Variants in GMDS observed in about 807,000 individuals in gnomAD.
The protein encoded by GMDS is GDP-mannose 4,6-dehydratase.
Under a neutral mutation model 49.9 loss-of-function variants are expected in GMDS, and 20 were observed. The observed-to-expected ratio is 0.40, with a 90% confidence interval of 0.28 to 0.58. The LOEUF is 0.58. Among genes scored for constraint, GMDS ranks in the 20% least tolerant of loss-of-function variants. The pLI, the probability that GMDS is intolerant of heterozygous loss-of-function variation, is 0.42. For missense variants in GMDS, 362 were observed against 481.4 expected (o/e 0.75, Z 2.32); for synonymous variants, 177 against 178.6 (o/e 0.99, Z 0.07).
chr6:2,204,432 T>C (rs1051108582), intron 1 of GMDS, among the ~76,000 whole-genome samples: 1 of 152,232 alleles, frequency 6.6e-6, no homozygotes, highest in African/African-American at 2.4e-5. Context: ...TTACCAAATA[T>C]TGCTCATGTG....
chr6:1,828,233 T>C (rs2113719137), intron 7 of GMDS, among the ~76,000 whole-genome samples: 1 of 151,866 alleles, frequency 6.6e-6, no homozygotes, highest in African/African-American at 2.4e-5. Context: ...ATTACTGAGT[T>C]TGAGAAACAG....
At chr6:1,851,248 G>A (rs1757655084) in intron 7 of GMDS, among the ~76,000 whole-genome samples, 1 of 152,132 alleles carries the variant, frequency 6.6e-6, no homozygotes, top group Admixed American at 6.5e-5. Context: ...AAACAACGAG[G>A]GGAAAGGCCG....
chr6:1,861,632 A>G (rs1222779017), intron 7 of GMDS, among the ~76,000 whole-genome samples: 7 of 150,850 alleles, frequency 4.6e-5, no homozygotes, highest in Non-Finnish European at 7.4e-5. Context: ...AAAAAAAAAA[A>G]GAAAAAAAAA....
At chr6:1,785,223 G>C (rs1329540058) in intron 7 of GMDS, among the ~76,000 whole-genome samples, 2 of 152,116 alleles carry the variant, frequency 1.3e-5, no homozygotes, top group Non-Finnish European at 2.9e-5. Flanking sequence ...TAGGTGGTTA[G>C]TAATTGAAAA....
At chr6:2,079,805 C>T (rs78198873) in intron 4 of GMDS, among the ~76,000 whole-genome samples, 1,989 of 152,054 alleles carry the variant, frequency 0.013, 46 homozygotes, top group African/African-American at 0.045. Flanking sequence ...TATATGTTTG[C>T]GGATCTTGGA....
In GMDS at chr6:1,770,947, T is replaced by G. The variant is rs1581162459; in HGVS notation, c.772-28361A>C. On this transcript the variant is annotated intron_variant, in intron 7 of 10. Coordinates refer to ENST00000380815, the MANE Select transcript of GMDS (RefSeq NM_001500.4). ...CTGTGAGTTTATGAAAAGTGTTATT[T>G]AATTTCCATTTTCAGGCAGTCCCAG... Among the ~76,000 whole-genome samples the G allele has an allele frequency of 2.6e-5, 4 of 152,256 alleles. No individual in the cohort carries two copies. In the East Asian group the frequency reaches 7.7e-4, roughly 29 times the overall value.
At chr6:1,810,416 G>A (rs985407941) in intron 7 of GMDS, among the ~76,000 whole-genome samples, 17 of 152,144 alleles carry the variant, frequency 1.1e-4, no homozygotes, top group African/African-American at 4.1e-4. Context: ...CTGAGTAGAT[G>A]GGACTACAGG....
chr6:2,116,097 G>A (rs1443103874), intron 3 of GMDS, among the ~76,000 whole-genome samples: 1 of 152,114 alleles, frequency 6.6e-6, no homozygotes, highest in African/African-American at 2.4e-5. Flanking sequence ...AAAGATTTTG[G>A]TGGTAAACTC....
At position 1,781,665 on chromosome 6, in the gene GMDS, G is replaced by A. The variant is rs766176132; in HGVS notation, c.772-39079C>T. ...CCTTAAGCCCTCTGAATTGTCAGCC[G>A]GGAGAATAACATCCCGCTGTGAATA... On this transcript the variant is annotated intron_variant, in intron 7 of 10. Transcript: ENST00000380815. 5.3e-5 allele frequency among the ~76,000 whole-genome samples: 8 copies of A among 152,166 alleles called. No individual in the cohort carries two copies. In the South Asian group the frequency reaches 6.2e-4, roughly 12 times the overall value.
intron 9 of GMDS, among the ~76,000 whole-genome samples, chr6:1,626,496 G>C (rs1346904601): frequency 1.3e-5 from 2 of 152,174 alleles, no homozygotes; most frequent in East Asian, 1.9e-4. Context: ...ATTTCTACAG[G>C]CTTCTATTTT....
At chr6:1,753,525 G>C (rs773659734) in intron 7 of GMDS, among the ~76,000 whole-genome samples, 30 of 152,180 alleles carry the variant, frequency 2.0e-4, no homozygotes, top group Non-Finnish European at 3.8e-4. Flanking sequence ...ATTCAGCTCT[G>C]GACCAAGCGG....
At chr6:2,117,440 A>C in intron 3 of GMDS, 29 bp downstream of exon 3, 18 of 1,236,100 alleles carry the variant, frequency 1.5e-5, no homozygotes, top group Non-Finnish European at 1.9e-5. Context: ...CCTTATAGAA[A>C]GAGATTCTAG....
intron 4 of GMDS, among the ~76,000 whole-genome samples, chr6:2,066,634 C>T (rs1241214196): frequency 6.6e-6 from 1 of 152,060 alleles, no homozygotes. Context: ...ATAAAACAGA[C>T]TTTAAACCAA....
chr6:1,691,670 T>C (rs562275062), intron 9 of GMDS, among the ~76,000 whole-genome samples: 250 of 152,288 alleles, frequency 1.6e-3, no homozygotes, highest in African/African-American at 5.8e-3. Context: ...AGTTACAGTG[T>C]TCTAAAATTT....
chr6:1,955,506 A>G (rs1432285031), intron 6 of GMDS, among the ~76,000 whole-genome samples: 1 of 152,196 alleles, frequency 6.6e-6, no homozygotes, highest in Admixed American at 6.5e-5. Flanking sequence ...TTTGTAGTAA[A>G]TATTACTAAA....
intron 4 of GMDS, among the ~76,000 whole-genome samples, chr6:1,966,501 GCTCTTTCTTGTGCCAGTGC>G (rs1764267213): frequency 6.6e-6 from 1 of 152,128 alleles, no homozygotes; most frequent in African/African-American, 2.4e-5. Flanking sequence ...AAGTCTCCAG[GCTCTTTCTTGTGCCAGTGC>G]CTGCAGGTCT....
intron 7 of GMDS, among the ~76,000 whole-genome samples, chr6:1,886,286 T>G (rs556603868): frequency 6.6e-6 from 1 of 152,328 alleles, no homozygotes; most frequent in South Asian, 2.1e-4. Context: ...GGAATTTTAC[T>G]CTAACAACTA....
intron 7 of GMDS, among the ~76,000 whole-genome samples, chr6:1,779,083 T>G (rs139340551): frequency 1.8e-4 from 27 of 152,110 alleles, no homozygotes; most frequent in African/African-American, 6.5e-4. Flanking sequence ...TGTACTCTGT[T>G]TAGAAATCAG....
intron 4 of GMDS, among the ~76,000 whole-genome samples, chr6:1,989,987 C>A (rs1179793187): frequency 6.6e-6 from 1 of 152,218 alleles, no homozygotes; most frequent in African/African-American, 2.4e-5. Flanking sequence ...AGATTTTCCA[C>A]GTAGGTGCTT....
Sources: gnomAD v4.1 joint callset for allele counts (sites outside exome capture counted in the v4.1 genomes callset) on GRCh38, gnomAD v4.1.1 for gene constraint, MANE v1.5 for transcripts, NCBI Gene and HGNC (gene_info 2026-07-23, HGNC 2026-07-21) for gene names.